The following CANT1 variants were observed in gnomAD, a reference collection of about 807,000 sequenced individuals.
The protein encoded by CANT1 is soluble calcium-activated nucleotidase 1.
Under a neutral mutation model 30.0 loss-of-function variants are expected in CANT1, and 26 were observed. The observed-to-expected ratio is 0.87, with a 90% CI of 0.64 to 1.20. CANT1 has a LOEUF of 1.20. Ranked by LOEUF, CANT1 falls within the 50% of genes most tolerant of loss-of-function variation. CANT1 has a pLI of 0.00. For missense variants in CANT1, 518 were observed against 563.0 expected, an observed-to-expected ratio of 0.92 and a Z score of 0.81; for synonymous variants, 246 against 251.8, an observed-to-expected ratio of 0.98 and a Z score of 0.22.
chr17:78,998,865 A>G lies in CANT1; in HGVS notation c.-146-902T>C, dbSNP rs2071137120. Among the ~76,000 whole-genome samples the G allele has an allele frequency of 6.6e-6, 1 of 152,192 alleles. No homozygotes were observed. Among genetic ancestry groups the G allele is most frequent in the African/African-American group, 2.4e-5 (1 of 41,466 alleles). ...AGCTTCCCTGGCTGGGTCCTCCTTG[A>G]GAAAACAACAAAGCAGCAAACATGT... On this transcript the variant is annotated intron_variant, in intron 1 of 4. Transcript: ENST00000392446. This position sits in a 1 kb window ranked among gnomAD's most constrained non-coding sequence, Gnocchi z 4.5.
intron 1 of CANT1, among the ~76,000 whole-genome samples, chr17:79,007,434 T>C (rs2071592021): frequency 6.6e-6 from 1 of 152,168 alleles, no homozygotes; most frequent in South Asian, 2.1e-4. Flanking sequence ...TACTGACCCA[T>C]TTCAGGACCT....
In CANT1 at chr17:78,997,377, C is replaced by T. The variant is rs567995164; in HGVS notation, c.246G>A (p.Ala82=). ...HNAHNWRLGQ[A]PANWYNDTYP... ...AGGTGTCATTGTACCAGTTGGCGGGCGCCTGGCCGAGCCTCCAGTTGTGTG... is the reference window on the plus strand; with the variant it reads ...AGGTGTCATTGTACCAGTTGGCGGGTGCCTGGCCGAGCCTCCAGTTGTGTG... The change falls in exon 3 of 5, where the codon GCG becomes GCA. Residue 82 remains alanine (A), a synonymous_variant. Transcript: ENST00000392446. This position sits in a 1 kb window ranked among gnomAD's most constrained non-coding sequence, Gnocchi z 7.5. 265 of 1,613,520 alleles carry T rather than the reference C, an allele frequency of 1.6e-4. 3 individuals are homozygous for T. The South Asian group carries it at 2.6e-3, about 16-fold the overall frequency.
chr17:79,007,897 CA>C (rs2071606841), intron 1 of CANT1, among the ~76,000 whole-genome samples: 1 of 152,240 alleles, frequency 6.6e-6, no homozygotes, highest in Non-Finnish European at 1.5e-5. Flanking sequence ...TCCCAGGGTC[CA>C]GGGGTCCTAT....
chr17:79,006,816 C>T lies in CANT1; in HGVS notation c.-147+2848G>A, dbSNP rs377067234. On this transcript the variant is annotated intron_variant, in intron 1 of 4. Transcript: ENST00000392446. ...TGGATCAGGGCTGCCTTCCACACCG[C>T]GGTGGCACCTGCACGAGCCCACCTG... 7.2e-5 allele frequency among the ~76,000 whole-genome samples: 11 copies of T among 152,212 alleles called. No individual in the cohort carries two copies. The East Asian group carries it at 7.7e-4, about 11-fold the overall frequency.
Position 79,002,112 on chromosome 17 carries a change from C to T in CANT1, c.-146-4149G>A, listed in dbSNP as rs1326225944. Among the ~76,000 whole-genome samples, 3 of 152,170 alleles carry T rather than the reference C, an allele frequency of 2.0e-5. No individual in the cohort carries two copies. The highest frequency in any genetic ancestry group is 4.4e-5 in the Non-Finnish European group (3 of 68,034). On this transcript the variant is annotated intron_variant, in intron 1 of 4. Coordinates refer to ENST00000392446, the MANE Select transcript of CANT1 (RefSeq NM_001159773.2). This position sits in a 1 kb window ranked among gnomAD's most constrained non-coding sequence, Gnocchi z 4.0. ...GACCAAGCTTGTCCAACATGTGGTC[C>T]AACACAAATTCGTAAACTTTCTTAA...
At chr17:79,001,959 C>A (rs186863604) in intron 1 of CANT1, among the ~76,000 whole-genome samples, 5 of 152,176 alleles carry the variant, frequency 3.3e-5, no homozygotes, top group Admixed American at 1.3e-4. Flanking sequence ...TCGTCCTAAC[C>A]CTCCTCCCTC....
chr17:78,998,661 G>A lies in CANT1; in HGVS notation c.-146-698C>T, dbSNP rs777858812. Among the ~76,000 whole-genome samples the A allele has an allele frequency of 8.5e-5, 13 of 152,258 alleles. No homozygotes were observed. The highest frequency in any genetic ancestry group is 1.5e-4 in the Non-Finnish European group (10 of 68,040). On this transcript the variant is annotated intron_variant, in intron 1 of 4. Coordinates refer to ENST00000392446, the MANE Select transcript of CANT1 (RefSeq NM_001159773.2). The surrounding 1 kb of genome is among the most constrained non-coding windows in gnomAD (Gnocchi z 4.5). ...AGCATGATGGCTCAGTGCAGCCATG[G>A]GGCACCAGGCCCACGTCTGCGCCGC...
chr17:79,000,044 C>A, intron 1 of CANT1: 1 of 153,714 alleles, frequency 6.5e-6, no homozygotes, highest in Non-Finnish European at 1.4e-5. Flanking sequence ...GATCCTCCTG[C>A]CTCAGCCTCC....
chr17:78,995,049 G>A lies in CANT1; in HGVS notation c.804C>T (p.Ala268=). 1.3e-6 allele frequency: 2 copies of A among 1,594,322 alleles called. No individual in the cohort carries two copies. Among genetic ancestry groups the A allele is most frequent in the African/African-American group, 2.7e-5 (2 of 74,742 alleles). The stretch of plus-strand genomic sequence containing the variant: ...GCTGGATGCCGGCAGCAGCCCGCAG[G>A]GCGTTGTAGTTGGACACCCAGTTCT... ...DHENWVSNYN[A]LRAAAGIQPP... is the part of the protein sequence containing the mutation. Residue 268 remains alanine, a synonymous_variant, in exon 4 of 5, where the codon GCC becomes GCT. Coordinates refer to ENST00000392446, the MANE Select transcript of CANT1 (RefSeq NM_001159773.2). This position sits in a 1 kb window ranked among gnomAD's most constrained non-coding sequence, Gnocchi z 5.7.
Position 78,992,764 on chromosome 17 carries a change from G to A in CANT1, c.*786C>T, listed in dbSNP as rs759635336. The A allele has an allele frequency of 6.5e-5, 38 of 587,464 alleles. No homozygotes were observed. Among genetic ancestry groups the A allele is most frequent in the Non-Finnish European group, 1.1e-4 (32 of 303,820 alleles). The allele number at this position is 587,464 out of a possible 1,614,324, so 36.4% of individuals were successfully genotyped here. ...CTTCCTTACAATCTCCCGCACTGCT[G>A]GAGCGGGCTGGGTAACTACAGGACT... On this transcript the variant is annotated 3_prime_UTR_variant, in exon 5 of 5. Coordinates refer to ENST00000392446, the MANE Select transcript of CANT1 (RefSeq NM_001159773.2).
intron 1 of CANT1, chr17:79,000,337 T>G (rs2071210600): frequency 6.6e-6 from 1 of 152,424 alleles, no homozygotes; most frequent in African/African-American, 2.4e-5. Flanking sequence ...ACTGGCCTCA[T>G]CCTCCGTCTT....
rs867992795 is a variant in CANT1 at position 78,997,922 on chromosome 17, T to C, written c.-105A>G. ...CCAGCTGGCAACGTGGGAAGCTGAG[T>C]GAGGAAGGAAGTTCCATGCAGGCTG... On this transcript the variant is annotated 5_prime_UTR_variant, in exon 2 of 5. Transcript: ENST00000392446. This position sits in a 1 kb window ranked among gnomAD's most constrained non-coding sequence, Gnocchi z 7.5. The C allele has an allele frequency of 2.7e-6, 1 of 375,130 alleles. No homozygotes were observed. Among genetic ancestry groups the C allele is most frequent in the African/African-American group, 2.0e-5 (1 of 49,376 alleles). 23.2% of individuals were successfully genotyped at this position (375,130 alleles called of 1,614,324 possible).
In CANT1 at chr17:79,002,840, T is replaced by C. The variant is rs1201308084; in HGVS notation, c.-146-4877A>G. ...TGCAGAGAAAGCCTCAGTGGGTTTT[T>C]CCCCCTGCACTCCCAGGAGCAGGAC... On this transcript the variant is annotated intron_variant, in intron 1 of 4. Coordinates refer to ENST00000392446, the MANE Select transcript of CANT1 (RefSeq NM_001159773.2). The surrounding 1 kb of genome is among the most constrained non-coding windows in gnomAD (Gnocchi z 4.0). 1.3e-5 allele frequency among the ~76,000 whole-genome samples: 2 copies of C among 152,166 alleles called. No homozygotes were observed. The highest frequency in any genetic ancestry group is 6.5e-5 in the Admixed American group (1 of 15,280).
At position 79,006,115 on chromosome 17, in the gene CANT1, G is replaced by T. The variant is rs992638134; in HGVS notation, c.-147+3549C>A. 1.3e-5 allele frequency: 2 copies of T among 152,340 alleles called. 1 individual carries two copies. Among genetic ancestry groups the T allele is most frequent in the Non-Finnish European group, 2.9e-5 (2 of 68,208 alleles). 9.4% of individuals were successfully genotyped at this position (152,340 alleles called of 1,614,324 possible). On this transcript the variant is annotated intron_variant, in intron 1 of 4. Transcript: ENST00000392446. Reference sequence around the variant, plus strand: ...CTGACTGACTTCTGCACCTGTCCCCGCCCCTAGTATCCAGCACACGGCAGG... The same window carrying T: ...CTGACTGACTTCTGCACCTGTCCCCTCCCCTAGTATCCAGCACACGGCAGG...
Position 78,997,533 on chromosome 17 carries a change from G to A in CANT1, c.90C>T (p.Ser30=). ...ISVGGLPVLA[S]MTKAADPRFR... ...AGCGGGGGTCCGCGGCCTTGGTCAT[G>A]GACGCCAGCACAGGAAGGCCCCCCA... Residue 30 remains serine, a synonymous_variant, in exon 3 of 5, where the codon TCC becomes TCT. Transcript: ENST00000392446. This position sits in a 1 kb window ranked among gnomAD's most constrained non-coding sequence, Gnocchi z 7.5. 1 of 1,567,022 alleles carries A rather than the reference G, an allele frequency of 6.4e-7. No homozygotes were observed.
chr17:78,997,633 G>T lies in CANT1; in HGVS notation c.-11C>A. On this transcript the variant is annotated 5_prime_UTR_variant, in exon 3 of 5. It adds an upstream start codon to the 5' untranslated region. Transcript: ENST00000392446. The surrounding 1 kb of genome is among the most constrained non-coding windows in gnomAD (Gnocchi z 7.5). ...CAGCTGCACGGGCATCAGCGTGACA[G>T]ACAGGCGGGACCTGCACAGCCAGGG... is the stretch of plus-strand genomic sequence containing the variant. 6.4e-7 allele frequency: 1 copy of T among 1,562,436 alleles called. No homozygotes were observed. The highest frequency in any genetic ancestry group is 8.7e-7 in the Non-Finnish European group (1 of 1,153,442).
intron 1 of CANT1, among the ~76,000 whole-genome samples, chr17:78,999,330 C>T (rs972961825): frequency 6.6e-6 from 1 of 152,180 alleles, no homozygotes; most frequent in Non-Finnish European, 1.5e-5. Flanking sequence ...TTCCCGGCAG[C>T]AGGGCTGGGG....
intron 1 of CANT1, among the ~76,000 whole-genome samples, chr17:79,000,493 C>G (rs1045601277): frequency 3.3e-5 from 5 of 151,184 alleles, no homozygotes; most frequent in Non-Finnish European, 7.4e-5. Flanking sequence ...GCCCTGCCAG[C>G]TGCCCCCCAC....
At chr17:79,005,267 T>A in intron 1 of CANT1, 1 of 146,844 alleles carries the variant, frequency 6.8e-6, no homozygotes, top group African/African-American at 2.5e-5. Flanking sequence ...GAGCGAGGAG[T>A]TAGGGAGCGG....
Sources: gnomAD v4.1 joint callset for allele counts (sites outside exome capture counted in the v4.1 genomes callset) on GRCh38, gnomAD v4.1.1 for gene constraint, Gnocchi (gnomAD v3.1) non-coding constraint, MANE v1.5 for transcripts, NCBI Gene and HGNC (gene_info 2026-07-23, HGNC 2026-07-21) for gene names.